ANKRD31: variants seen among roughly 807,000 people sequenced by gnomAD.
ANKRD31 encodes ankyrin repeat domain 31.
In ANKRD31, 147 loss-of-function variants were observed where a neutral mutation model predicts 186.0. That is an observed-to-expected ratio of 0.79 (90% confidence interval 0.69 to 0.91). The LOEUF (loss-of-function observed/expected upper bound fraction) is 0.91, where lower values mean the gene tolerates loss of function less well. ANKRD31 is among the 40% of genes least tolerant of loss of function. ANKRD31 has a pLI of 0.00. For synonymous variants in ANKRD31, 673 were observed against 736.4 expected, an observed-to-expected ratio of 0.91 and a Z score of 1.39; for missense variants, 1,986 against 2,148.8, an observed-to-expected ratio of 0.92 and a Z score of 1.50.
At chr5:75,172,657 C>T (rs551875618) in intron 10 of ANKRD31, among the ~76,000 whole-genome samples, 2 of 152,162 alleles carry the variant, frequency 1.3e-5, no homozygotes, top group South Asian at 4.2e-4. Context: ...ATAAATTCCT[C>T]GACACATACA....
intron 19 of ANKRD31, among the ~76,000 whole-genome samples, chr5:75,114,802 G>A (rs1000375824): frequency 1.3e-5 from 2 of 152,286 alleles, no homozygotes; most frequent in African/African-American, 4.8e-5. Context: ...TGGATAGGAA[G>A]AATCAATATT....
intron 15 of ANKRD31, among the ~76,000 whole-genome samples, chr5:75,141,596 C>A (rs1477931): frequency 0.16 from 23,547 of 151,846 alleles, 2,063 homozygotes; most frequent in African/African-American, 0.24. Flanking sequence ...CGAGATCGTG[C>A]CACTGCACTC....
At chr5:75,099,484 T>G (rs1398313833) in intron 22 of ANKRD31, among the ~76,000 whole-genome samples, 2 of 152,350 alleles carry the variant, frequency 1.3e-5, no homozygotes, top group East Asian at 3.9e-4. Flanking sequence ...TTCTATTGAT[T>G]GGAATAGTTT....
intron 6 of ANKRD31, among the ~76,000 whole-genome samples, chr5:75,197,396 C>A (rs1755539683): frequency 6.6e-6 from 1 of 152,074 alleles, no homozygotes; most frequent in Non-Finnish European, 1.5e-5. Flanking sequence ...AAATCAAATC[C>A]ACCATACCTT....
intron 25 of ANKRD31, among the ~76,000 whole-genome samples, chr5:75,074,051 T>C (rs1236967995): frequency 6.6e-6 from 1 of 152,106 alleles, no homozygotes; most frequent in Non-Finnish European, 1.5e-5. Flanking sequence ...CCAACTCCAC[T>C]CAAGTTCACT....
Position 75,104,275 on chromosome 5 carries a change from G to C in ANKRD31, c.5284C>G (p.Leu1762Val), listed in dbSNP as rs1205021167. The C allele has an allele frequency of 3.3e-6, 5 of 1,531,332 alleles. No individual in the cohort carries two copies. Among genetic ancestry groups the C allele is most frequent in the East Asian group, 4.9e-5 (2 of 40,848 alleles). The allele number at this position is 1,531,332 out of a possible 1,614,324, so 94.9% of individuals were successfully genotyped here. A position where few individuals can be genotyped will look rare whatever the true frequency, so the allele number is the denominator to read the frequency against. Residue 1762 changes from leucine to valine, a missense_variant, in exon 22 of 26, where the codon CTA becomes GTA. Physicochemically the swap from Leu to Val is conservative, Grantham distance 32. Transcript: ENST00000506364. ...TTATTTCCTGGGTTAATTCTTCCTA[G>C]TAATATCAAATCTTTTATCTGAATA... ...KCIQIKDLIL[L>V]GRINPGNNIL...
Position 75,147,514 on chromosome 5 carries a change from A to G in ANKRD31, c.1906-9T>C. 1 of 1,410,332 alleles carries G rather than the reference A, an allele frequency of 7.1e-7. No individual in the cohort carries two copies. The highest frequency in any genetic ancestry group is 9.3e-7 in the Non-Finnish European group (1 of 1,080,406). 87.4% of individuals were successfully genotyped at this position (1,410,332 alleles called of 1,614,324 possible). On this transcript the variant is annotated splice_polypyrimidine_tract_variant and intron_variant, in intron 13 of 25. Coordinates refer to ENST00000506364, the MANE Select transcript of ANKRD31 (RefSeq NM_001372053.1). ...GAACTGAACTTTGGTTTCTATAGAA[A>G]AAAAATACATAGTTAGCTTTAATTT...
At chr5:75,166,499 A>G (rs1561494795) in intron 11 of ANKRD31, among the ~76,000 whole-genome samples, 3 of 152,090 alleles carry the variant, frequency 2.0e-5, no homozygotes, top group Non-Finnish European at 4.4e-5. Flanking sequence ...AAAACAAAAA[A>G]GGGTTCACTG....
At chr5:75,132,393 C>T (rs537231331) in intron 17 of ANKRD31, among the ~76,000 whole-genome samples, 42 of 152,064 alleles carry the variant, frequency 2.8e-4, no homozygotes, top group African/African-American at 8.7e-4. Context: ...GTAGCCCATT[C>T]GATCAACTGG....
At chr5:75,089,512 A>G (rs531186967) in intron 23 of ANKRD31, among the ~76,000 whole-genome samples, 1 of 152,282 alleles carries the variant, frequency 6.6e-6, no homozygotes, top group African/African-American at 2.4e-5. Context: ...TCAAGAAGTG[A>G]CTGAATTCAG....
chr5:75,129,326 A>C (rs1045745506), intron 17 of ANKRD31, among the ~76,000 whole-genome samples: 2 of 152,238 alleles, frequency 1.3e-5, no homozygotes, highest in East Asian at 3.8e-4. Flanking sequence ...ACCCAGCCTC[A>C]GGTAGTTTTT....
Position 75,158,698 on chromosome 5 carries a change from A to G in ANKRD31, c.1708-4353T>C, listed in dbSNP as rs201401973. Reference sequence around the variant, plus strand: ...TCCCAACCACTCAGGCAGCTAAGGCAGGAGGATCACCTGTTCCCAAAAATT... The same window carrying G: ...TCCCAACCACTCAGGCAGCTAAGGCGGGAGGATCACCTGTTCCCAAAAATT... On this transcript the variant is annotated intron_variant, in intron 11 of 25. Transcript: ENST00000506364. Among the ~76,000 whole-genome samples, 19 of 152,296 alleles carry G rather than the reference A, an allele frequency of 1.2e-4. No individual in the cohort carries two copies. The East Asian group carries it at 3.3e-3, about 26-fold the overall frequency.
Position 75,146,343 on chromosome 5 carries a change from T to C in ANKRD31, c.3068A>G (p.Lys1023Arg), listed in dbSNP as rs761376567. The change falls in exon 14 of 26, where the codon AAG (lysine) becomes AGG (arginine). Residue 1023 changes from lysine (K) to arginine (R), a missense_variant. By Grantham distance (26) the Lys-to-Arg change is conservative. Transcript: ENST00000506364. ...GAATAGCTCCACATGATTAGTCAAC[T>C]TTGAAGCCTCATGTGTCAAAAGTGT... Reference protein sequence around the residue: ...MRTLLTHEASKLTNHVELFKK... With the variant: ...MRTLLTHEASRLTNHVELFKK... 7.2e-6 allele frequency: 11 copies of C among 1,536,630 alleles called. No individual in the cohort carries two copies. The South Asian group carries it at 1.1e-4, about 15-fold the overall frequency.
chr5:75,069,223 G>A (rs552838309), intron 25 of ANKRD31, among the ~76,000 whole-genome samples: 1 of 152,004 alleles, frequency 6.6e-6, no homozygotes, highest in South Asian at 2.1e-4. Flanking sequence ...GCCAGTCTAT[G>A]GGGCTAATGG....
rs1231931908 is a variant in ANKRD31, at chr5:75,114,543, G to T, written c.4156-1943C>A. The stretch of plus-strand genomic sequence containing the variant: ...GCTTATCAGCTTAAGGAGATTTTGG[G>T]CTGAGACAATGGGGTTTTCTAGATA... On this transcript the variant is annotated intron_variant, in intron 19 of 25. Transcript: ENST00000506364. Among the ~76,000 whole-genome samples, 5 of 152,174 alleles carry T rather than the reference G, an allele frequency of 3.3e-5. No homozygotes were observed. In the East Asian group the frequency reaches 9.7e-4, roughly 29 times the overall value.
intron 10 of ANKRD31, among the ~76,000 whole-genome samples, chr5:75,186,019 T>C (rs1754688309): frequency 6.6e-6 from 1 of 152,144 alleles, no homozygotes; most frequent in African/African-American, 2.4e-5. Flanking sequence ...AGGTGCTTTA[T>C]TCTGCAGAGA....
chr5:75,084,518 C>T (rs1277253159), intron 23 of ANKRD31, 144 bp from the exon 24 acceptor site: 6 of 613,118 alleles, frequency 9.8e-6, no homozygotes, highest in Non-Finnish European at 1.4e-5. Context: ...CCAAATCCCA[C>T]CTGCAACCTT....
intron 10 of ANKRD31, among the ~76,000 whole-genome samples, chr5:75,185,831 T>C (rs1335970952): frequency 6.6e-6 from 1 of 151,638 alleles, no homozygotes; most frequent in African/African-American, 2.4e-5. Flanking sequence ...ATATTATACA[T>C]ATAATTATAG....
intron 5 of ANKRD31, among the ~76,000 whole-genome samples, chr5:75,203,598 G>C: frequency 6.6e-6 from 1 of 150,936 alleles, no homozygotes; most frequent in South Asian, 2.1e-4. Flanking sequence ...GGGAGGTGGA[G>C]GTTGCAGTGA....
Sources: allele counts gnomAD v4.1 joint callset (sites outside exome capture counted in the v4.1 genomes callset), GRCh38; gene constraint gnomAD v4.1.1; transcripts MANE v1.5; gene names NCBI Gene and HGNC (gene_info 2026-07-23, HGNC 2026-07-21).